The following BGN variants were observed in gnomAD, a reference collection of about 807,000 sequenced individuals.
The protein encoded by BGN is bone/cartilage proteoglycan-I.
A neutral mutation model predicts 20.0 loss-of-function variants in BGN; 6 were observed. The observed-to-expected ratio is 0.30, with a 90% CI of 0.16 to 0.59. BGN has a LOEUF of 0.59. BGN is among the 20% of genes least tolerant of loss of function. The pLI is 0.88. For missense variants in BGN, 292 were observed against 312.1 expected (o/e 0.94, Z 0.49); for synonymous variants, 146 against 134.6 (o/e 1.08, Z -0.59).
At chrX:153,508,188 G>A (rs1176639217) in intron 7 of BGN, 60 bp from the exon 8 acceptor site, 1 of 1,153,015 alleles carries the variant, frequency 8.7e-7, no homozygotes, top group East Asian at 3.0e-5. Flanking sequence ...GCCTCCTGGA[G>A]GCAGCGGGCT....
In BGN at chrX:153,508,123, A is replaced by G. The variant is rs1350646701; in HGVS notation, c.910-125A>G. On this transcript the variant is annotated intron_variant, in intron 7 of 7. Transcript: ENST00000331595. ...CATGCCTTGGTTTGCTCCTCCCAAC[A>G]ACGGGGAGCCTCTGGTGTGGCCCTT... 8.0e-6 allele frequency: 6 copies of G among 752,490 alleles called. No individual in the cohort carries two copies. In the African/African-American group the frequency reaches 1.3e-4, roughly 16 times the overall value. The allele number at this position is 752,490 out of a possible 1,213,427, so 62.0% of individuals were successfully genotyped here. A position where few individuals can be genotyped will look rare whatever the true frequency, so the allele number is the denominator to read the frequency against.
intron 2 of BGN, 148 bp downstream of exon 2, chrX:153,505,017 C>A: frequency 1.4e-6 from 1 of 689,761 alleles, no homozygotes; most frequent in Non-Finnish European, 2.2e-6. Flanking sequence ...TGGCTGTGAG[C>A]TGTGCAGTTT....
chrX:153,503,961 A>C (rs987067334), intron 1 of BGN, among the ~76,000 whole-genome samples: 3 of 111,810 alleles, frequency 2.7e-5, no homozygotes, highest in Non-Finnish European at 5.7e-5. Flanking sequence ...GGGGGCCTCC[A>C]CTCAGTGCTG....
At chrX:153,499,344 G>A (rs138983983) in intron 1 of BGN, among the ~76,000 whole-genome samples, 2,069 of 111,987 alleles carry the variant, frequency 0.018, 50 homozygotes, top group African/African-American at 0.065. Context: ...GCTGAGTCCC[G>A]CACTCCGCCG....
intron 7 of BGN, among the ~76,000 whole-genome samples, chrX:153,507,432 A>G (rs1340077877): frequency 8.9e-6 from 1 of 112,614 alleles, no homozygotes; most frequent in African/African-American, 3.2e-5. Context: ...GACACCAGAA[A>G]GATGTGGCAG....
intron 3 of BGN, 145 bp downstream of exon 3, chrX:153,505,495 T>C: frequency 1.9e-6 from 1 of 517,815 alleles, no homozygotes; most frequent in South Asian, 3.4e-5. Flanking sequence ...TGATGGGAGC[T>C]CCCGGGTTTG....
At chrX:153,504,559 C>A in intron 1 of BGN, 62 bp from the exon 2 acceptor site, 1 of 959,227 alleles carries the variant, frequency 1.0e-6, no homozygotes, top group Admixed American at 2.6e-5. Context: ...GGAACACCAG[C>A]CCCTGGCATG....
chrX:153,505,321 G>A lies in BGN; in HGVS notation c.322G>A (p.Asp108Asn), dbSNP rs2089791798. Residue 108 changes from aspartate (D) to asparagine (N), a missense_variant, in exon 3 of 8, where the codon GAT (aspartate) becomes AAT (asparagine). Coordinates refer to ENST00000331595, the MANE Select transcript of BGN (RefSeq NM_001711.6). ...QNNDISELRK[D>N]DFKGLQHLYA... ...CAACGACATCTCCGAGCTCCGCAAG[G>A]ATGACTTCAAGGGTCTCCAGCACCT... The A allele has an allele frequency of 8.3e-7, 1 of 1,210,617 alleles. No individual in the cohort carries two copies. The highest frequency in any genetic ancestry group is 1.1e-6 in the Non-Finnish European group (1 of 894,525).
chrX:153,508,304 C>T lies in BGN; in HGVS notation c.966C>T (p.Pro322=), dbSNP rs141929620. The change falls in exon 8 of 8, where the codon CCC becomes CCT. Residue 322 remains proline, a synonymous_variant. Transcript: ENST00000331595. ...ITKVGVNDFC[P]MGFGVKRAYY... Reference sequence around the variant, plus strand: ...AAGTGGGTGTCAACGACTTCTGTCCCATGGGCTTCGGGGTGAAGCGGGCCT... The same window carrying T: ...AAGTGGGTGTCAACGACTTCTGTCCTATGGGCTTCGGGGTGAAGCGGGCCT... The T allele has an allele frequency of 5.0e-6, 6 of 1,211,008 alleles. No homozygotes were observed. In the African/African-American group the frequency reaches 8.7e-5, roughly 18 times the overall value.
intron 1 of BGN, among the ~76,000 whole-genome samples, chrX:153,495,851 G>A (rs895155173): frequency 8.8e-6 from 1 of 113,076 alleles, no homozygotes; most frequent in Non-Finnish European, 1.9e-5. Flanking sequence ...AGCCCTGTCT[G>A]TTTCCAGGAC....
At chrX:153,506,121 G>A (rs2089798776) in intron 4 of BGN, 45 bp downstream of exon 4, 1 of 1,144,169 alleles carries the variant, frequency 8.7e-7, no homozygotes, top group African/African-American at 1.8e-5. Context: ...TTGTCTCGAG[G>A]CATGGGGAAG....
At chrX:153,503,186 A>T (rs782000567) in intron 1 of BGN, among the ~76,000 whole-genome samples, 1 of 112,623 alleles carries the variant, frequency 8.9e-6, no homozygotes, top group South Asian at 3.6e-4. Context: ...GCAACTGGGG[A>T]AGCATCGGGC....
In BGN at chrX:153,504,789, A is replaced by G; in HGVS notation, c.158A>G (p.Asp53Gly). 8.3e-7 allele frequency: 1 copy of G among 1,210,877 alleles called. No homozygotes were observed. The highest frequency in any genetic ancestry group is 1.1e-6 in the Non-Finnish European group (1 of 895,353). ...GADTSGVLDP[D>G]SVTPTYSAMC... ...GACACCTCGGGCGTCCTGGACCCGGACTCTGTCACACCCACCTACAGCGCC... is the reference window on the plus strand; with the variant it reads ...GACACCTCGGGCGTCCTGGACCCGGGCTCTGTCACACCCACCTACAGCGCC... Residue 53 changes from aspartate to glycine, a missense_variant, in exon 2 of 8, where the codon GAC (aspartate) becomes GGC (glycine). Physicochemically the swap from Asp to Gly is moderately conservative, Grantham distance 94. Coordinates refer to ENST00000331595, the MANE Select transcript of BGN (RefSeq NM_001711.6).
chrX:153,508,541 G>A lies in BGN; in HGVS notation c.*96G>A. On this transcript the variant is annotated 3_prime_UTR_variant, in exon 8 of 8. Transcript: ENST00000331595. The stretch of plus-strand genomic sequence containing the variant: ...GGCAGAGCCAGGAAGCTAAGCCAGG[G>A]CCCAGCTGCGTCCAACCCAGCCCCC... The A allele has an allele frequency of 9.9e-7, 1 of 1,009,480 alleles. No individual in the cohort carries two copies. The highest frequency in any genetic ancestry group is 2.2e-5 in the South Asian group (1 of 44,492). 83.2% of individuals were successfully genotyped at this position (1,009,480 alleles called of 1,213,427 possible).
At chrX:153,495,209 G>C (rs950357840) in intron 1 of BGN, 96 bp downstream of exon 1, 28 of 111,217 alleles carry the variant, frequency 2.5e-4, no homozygotes, top group African/African-American at 8.9e-4. Flanking sequence ...TGTCCCCAGT[G>C]CCGCGAGGGT....
intron 1 of BGN, 111 bp downstream of exon 1, chrX:153,495,224 A>T (rs2089702355): frequency 9.0e-6 from 1 of 110,914 alleles, no homozygotes; most frequent in Non-Finnish European, 1.9e-5. Context: ...GAGGGTGTCC[A>T]CAGATTTCCC....
chrX:153,501,807 C>T (rs895364780), intron 1 of BGN, among the ~76,000 whole-genome samples: 1 of 112,516 alleles, frequency 8.9e-6, no homozygotes, highest in Admixed American at 9.3e-5. Flanking sequence ...TCACGGGGCC[C>T]GGGTGTATGG....
At chrX:153,506,110 CTT>C in intron 4 of BGN, 34 bp downstream of exon 4, 1 of 1,176,392 alleles carries the variant, frequency 8.5e-7, no homozygotes, top group Non-Finnish European at 1.2e-6. Context: ...ATTCCAGAGC[CTT>C]GTCTCGAGGC....
In BGN at chrX:153,504,640, C is replaced by A. The variant is rs1440301602; in HGVS notation, c.9C>A (p.Pro3=). 1 of 1,204,935 alleles carries A rather than the reference C, an allele frequency of 8.3e-7. No individual in the cohort carries two copies. The highest frequency in any genetic ancestry group is 3.0e-5 in the East Asian group (1 of 33,671). MW[P]LWRLVSLLAL... is the part of the protein sequence containing the mutation. ...CCCCAGGTCCATCCGCCATGTGGCC[C>A]CTGTGGCGCCTCGTGTCTCTGCTGG... The change falls in exon 2 of 8, where the codon CCC becomes CCA. Residue 3 remains proline (P), a synonymous_variant. Coordinates refer to ENST00000331595, the MANE Select transcript of BGN (RefSeq NM_001711.6).
Sources: gnomAD v4.1 joint callset for allele counts (sites outside exome capture counted in the v4.1 genomes callset) on GRCh38, gnomAD v4.1.1 for gene constraint, MANE v1.5 for transcripts, NCBI Gene and HGNC (gene_info 2026-07-23, HGNC 2026-07-21) for gene names.